The following EEIG1 variants were observed in gnomAD, a reference collection of about 807,000 sequenced individuals.
The protein encoded by EEIG1 is early estrogen-induced gene 1 protein.
chr9:127,979,201 T>C, the EEIG1 span, among the ~76,000 whole-genome samples: 1 of 152,226 alleles, frequency 6.6e-6, no homozygotes, highest in African/African-American at 2.4e-5. Flanking sequence ...AGGCTCACTT[T>C]CCAGAAGAGG....
the EEIG1 span, chr9:127,950,833 G>T: frequency 3.9e-6 from 2 of 512,170 alleles, no homozygotes; most frequent in Non-Finnish European, 5.8e-6. Flanking sequence ...GGACATTGTT[G>T]TCCGTGACAC....
chr9:127,980,216 C>T, the EEIG1 span: 1 of 1,451,426 alleles, frequency 6.9e-7, no homozygotes, highest in African/African-American at 1.4e-5. Flanking sequence ...ACACCACACC[C>T]CCTCCTCAAA....
the EEIG1 span, among the ~76,000 whole-genome samples, chr9:127,979,585 G>A: frequency 6.6e-6 from 1 of 152,224 alleles, no homozygotes; most frequent in African/African-American, 2.4e-5. Context: ...CCAGGCGCCT[G>A]GGGGTGCCGG....
At chr9:127,953,789 G>T in the EEIG1 span, 96 of 1,613,862 alleles carry the variant, frequency 5.9e-5, no homozygotes, top group South Asian at 9.6e-4. Flanking sequence ...AGCCCCACAT[G>T]CGCCCTTGGC....
the EEIG1 span, among the ~76,000 whole-genome samples, chr9:127,965,093 A>C: frequency 8.5e-6 from 1 of 117,018 alleles, no homozygotes; most frequent in Non-Finnish European, 1.6e-5. Flanking sequence ...TGGGTGACAG[A>C]GCAAGACTGT....
chr9:127,970,371 G>A, the EEIG1 span, among the ~76,000 whole-genome samples: 7 of 152,168 alleles, frequency 4.6e-5, no homozygotes, highest in African/African-American at 7.2e-5. Flanking sequence ...CTCCTGCCTC[G>A]GCCTCCCAAA....
the EEIG1 span, among the ~76,000 whole-genome samples, chr9:127,965,449 C>T: frequency 2.0e-5 from 3 of 152,200 alleles, no homozygotes; most frequent in Non-Finnish European, 2.9e-5. Flanking sequence ...GACAGTAGCG[C>T]TCTGACAGGC....
the EEIG1 span, among the ~76,000 whole-genome samples, chr9:127,950,089 A>C: frequency 2.4e-4 from 36 of 152,202 alleles, no homozygotes; most frequent in African/African-American, 8.7e-4. Context: ...GGGACTAATC[A>C]AAGATACCAC....
At chr9:127,973,713 G>A in the EEIG1 span, among the ~76,000 whole-genome samples, 1 of 152,196 alleles carries the variant, frequency 6.6e-6, no homozygotes, top group African/African-American at 2.4e-5. The surrounding 1 kb of genome is among the most constrained non-coding windows in gnomAD (Gnocchi z 4.2). Flanking sequence ...CGCTGCCCGG[G>A]CTGGCCTCTG....
the EEIG1 span, chr9:127,944,148 G>A: frequency 1.1e-5 from 2 of 185,644 alleles, no homozygotes; most frequent in Admixed American, 5.7e-5. Flanking sequence ...GCCATCTGTG[G>A]ATGCTGTGTA....
chr9:127,946,244 C>T, the EEIG1 span, among the ~76,000 whole-genome samples: 3 of 152,196 alleles, frequency 2.0e-5, no homozygotes, highest in Admixed American at 6.5e-5. Flanking sequence ...CCTGGGTCAG[C>T]GGAGTTGGAG....
chr9:127,965,036 G>A, the EEIG1 span, among the ~76,000 whole-genome samples: 1 of 137,220 alleles, frequency 7.3e-6, no homozygotes, highest in East Asian at 2.1e-4. Flanking sequence ...TTGAACCCGG[G>A]AGGCGGAGGT....
chr9:127,963,858 A>C, the EEIG1 span: 1 of 152,298 alleles, frequency 6.6e-6, no homozygotes, highest in South Asian at 2.1e-4. Context: ...GCCATTACAC[A>C]GGAATGACTG....
At chr9:127,955,147 G>A in the EEIG1 span, among the ~76,000 whole-genome samples, 1 of 152,194 alleles carries the variant, frequency 6.6e-6, no homozygotes, top group African/African-American at 2.4e-5. Context: ...ACCGCCAAGG[G>A]GACAGCTAAG....
the EEIG1 span, among the ~76,000 whole-genome samples, chr9:127,957,506 G>A: frequency 6.6e-6 from 1 of 152,228 alleles, no homozygotes; most frequent in Non-Finnish European, 1.5e-5. Flanking sequence ...TGGATCGGAA[G>A]ACATGTTGTT....
the EEIG1 span, among the ~76,000 whole-genome samples, chr9:127,951,546 G>A: frequency 8.5e-5 from 13 of 152,174 alleles, no homozygotes; most frequent in East Asian, 9.7e-4. Flanking sequence ...GGCCGGGCGC[G>A]GTGGCACGCC....
chr9:127,964,617 T>C, the EEIG1 span, among the ~76,000 whole-genome samples: 2 of 152,198 alleles, frequency 1.3e-5, no homozygotes, highest in Non-Finnish European at 2.9e-5. Context: ...ACTGGGGCAG[T>C]CCAACCTCTG....
At chr9:127,980,986 GA>G in the EEIG1 span, among the ~76,000 whole-genome samples, 1 of 149,302 alleles carries the variant, frequency 6.7e-6, no homozygotes, top group Non-Finnish European at 1.5e-5. Flanking sequence ...GCCGCTTGGA[GA>G]ATGCCTGGGC....
At chr9:127,957,099 G>A in the EEIG1 span, among the ~76,000 whole-genome samples, 1 of 152,066 alleles carries the variant, frequency 6.6e-6, no homozygotes, top group African/African-American at 2.4e-5. Context: ...CTTGAGGTCA[G>A]GTAGCTATAG....
Sources: allele counts gnomAD v4.1 joint callset (sites outside exome capture counted in the v4.1 genomes callset), GRCh38; gene constraint gnomAD v4.1.1; non-coding constraint Gnocchi (gnomAD v3.1); transcripts MANE v1.5; gene names NCBI Gene and HGNC (gene_info 2026-07-23, HGNC 2026-07-21).